The following NUMB variants were observed in gnomAD, a reference collection of about 807,000 sequenced individuals.
The protein encoded by NUMB is protein numb homolog.
A neutral mutation model predicts 59.7 loss-of-function variants in NUMB; 29 were observed. The observed-to-expected ratio is 0.49, with a 90% CI of 0.36 to 0.66. The LOEUF (loss-of-function observed/expected upper bound fraction) is 0.66, where lower values mean the gene tolerates loss of function less well. NUMB is among the 30% of genes least tolerant of loss of function. The probability of loss-of-function intolerance (pLI) is 0.00; values close to 1 mark genes in which losing one functional copy is unlikely to be tolerated. For synonymous variants in NUMB, 288 were observed against 288.2 expected (o/e 1.00, Z 0.01); for missense variants, 723 against 822.0 (o/e 0.88, Z 1.47).
At position 73,292,886 on chromosome 14, in the gene NUMB, G is replaced by A. The variant is rs995171749; in HGVS notation, c.310-12C>T. On this transcript the variant is annotated splice_polypyrimidine_tract_variant and intron_variant, in intron 7 of 12. Transcript: ENST00000555238. ...TCAACTATGAGGTCCTAGAAAATACGACACACAAAGAAAGAGAAGACTTAT... is the reference window on the plus strand; with the variant it reads ...TCAACTATGAGGTCCTAGAAAATACAACACACAAAGAAAGAGAAGACTTAT... 19 of 1,613,274 alleles carry A rather than the reference G, an allele frequency of 1.2e-5. No individual in the cohort carries two copies. Among genetic ancestry groups the A allele is most frequent in the Admixed American group, 6.7e-5 (4 of 59,844 alleles).
chr14:73,308,729 T>C (rs1890600899), intron 6 of NUMB, among the ~76,000 whole-genome samples: 1 of 152,168 alleles, frequency 6.6e-6, no homozygotes, highest in Non-Finnish European at 1.5e-5. Flanking sequence ...GATGAGATCA[T>C]TAACAGGTGT....
intron 5 of NUMB, among the ~76,000 whole-genome samples, chr14:73,316,999 T>A (rs1007867054): frequency 6.6e-6 from 1 of 152,226 alleles, no homozygotes; most frequent in Non-Finnish European, 1.5e-5. Flanking sequence ...AAGATGTCAC[T>A]TAGAAACTCC....
intron 1 of NUMB, among the ~76,000 whole-genome samples, chr14:73,419,230 G>T (rs774730172): frequency 6.6e-6 from 1 of 152,178 alleles, no homozygotes; most frequent in African/African-American, 2.4e-5. Flanking sequence ...TCTCAAGAGG[G>T]CTGGGCGCGG....
rs371144726 is a variant in NUMB, at chr14:73,385,010, T to C, written c.-100-18029A>G. 4.1e-3 allele frequency among the ~76,000 whole-genome samples: 617 copies of C among 150,310 alleles called. 4 individuals carry two copies. Among genetic ancestry groups the C allele is most frequent in the African/African-American group, 0.014 (590 of 40,992 alleles). On this transcript the variant is annotated intron_variant, in intron 2 of 12. Coordinates refer to ENST00000555238, the MANE Select transcript of NUMB (RefSeq NM_001005743.2). ...CCAGGTTCAAGCGATTCTCCTGCCT[T>C]AGCCTCCTGAGTAGCTGGGATTACA...
At chr14:73,416,866 A>G (rs1180392259) in intron 1 of NUMB, among the ~76,000 whole-genome samples, 1 of 151,896 alleles carries the variant, frequency 6.6e-6, no homozygotes, top group African/African-American at 2.4e-5. Context: ...GGGAACAAGC[A>G]TTCCTGTTTT....
intron 1 of NUMB, among the ~76,000 whole-genome samples, chr14:73,427,087 T>C (rs952069024): frequency 6.6e-6 from 1 of 152,100 alleles, no homozygotes; most frequent in African/African-American, 2.4e-5. Flanking sequence ...AGAGTTCCCT[T>C]ATTTATAAAG....
intron 2 of NUMB, among the ~76,000 whole-genome samples, chr14:73,368,199 T>C (rs1894469150): frequency 6.6e-6 from 1 of 152,174 alleles, no homozygotes; most frequent in African/African-American, 2.4e-5. Flanking sequence ...AGAGTATCTA[T>C]TCAGCTATAT....
chr14:73,385,146 T>G (rs61985840), intron 2 of NUMB, among the ~76,000 whole-genome samples: 24,143 of 151,546 alleles, frequency 0.16, 2,709 homozygotes, highest in Non-Finnish European at 0.23. Flanking sequence ...GTGGCTAGTT[T>G]GAGGAACTGA....
At chr14:73,456,671 T>G (rs973864661) in intron 1 of NUMB, among the ~76,000 whole-genome samples, 12 of 152,202 alleles carry the variant, frequency 7.9e-5, no homozygotes, top group Admixed American at 5.2e-4. Flanking sequence ...AAAATGAGTA[T>G]CCTTTATAAT....
intron 4 of NUMB, among the ~76,000 whole-genome samples, chr14:73,335,363 G>A (rs1261562393): frequency 6.9e-6 from 1 of 145,270 alleles, no homozygotes; most frequent in African/African-American, 2.5e-5. Context: ...TTTCATTTAT[G>A]AACTATTATA....
At chr14:73,380,114 C>T (rs1260246216) in intron 2 of NUMB, among the ~76,000 whole-genome samples, 1 of 152,142 alleles carries the variant, frequency 6.6e-6, no homozygotes, top group Non-Finnish European at 1.5e-5. Flanking sequence ...TTTGCGCCCC[C>T]AGCTCCAGGA....
intron 3 of NUMB, among the ~76,000 whole-genome samples, chr14:73,362,958 G>A (rs989566267): frequency 1.3e-5 from 2 of 151,788 alleles, no homozygotes; most frequent in Non-Finnish European, 2.9e-5. Context: ...ATACCAGCCT[G>A]GGCAACATAG....
chr14:73,328,100 C>A (rs780827033), intron 4 of NUMB, among the ~76,000 whole-genome samples: 2 of 152,014 alleles, frequency 1.3e-5, no homozygotes, highest in African/African-American at 2.4e-5. Flanking sequence ...TATGGTGAAA[C>A]CCCATCTCTA....
At chr14:73,437,098 T>C (rs1898092503) in intron 1 of NUMB, among the ~76,000 whole-genome samples, 1 of 138,414 alleles carries the variant, frequency 7.2e-6, no homozygotes, top group Non-Finnish European at 1.5e-5. Flanking sequence ...CAGGCTGGAG[T>C]GCAGTGGCAC....
At chr14:73,299,600 G>GATATGACATATATATGTCATATA (rs1323995394) in intron 6 of NUMB, among the ~76,000 whole-genome samples, 6 of 148,388 alleles carry the variant, frequency 4.0e-5, no homozygotes, top group Non-Finnish European at 7.4e-5. Context: ...TCATATATAT[G>GATATGACATATATATGTCATATA]ATATGACATA....
intron 1 of NUMB, among the ~76,000 whole-genome samples, chr14:73,413,775 C>T (rs1391011192): frequency 4.6e-5 from 7 of 152,038 alleles, no homozygotes; most frequent in Admixed American, 3.3e-4. Flanking sequence ...GAGCAAGACT[C>T]CAAGTCAAAA....
chr14:73,279,049 A>G (rs1888417643), intron 12 of NUMB, among the ~76,000 whole-genome samples: 1 of 152,076 alleles, frequency 6.6e-6, no homozygotes, highest in East Asian at 1.9e-4. Context: ...TAAAAGCTCT[A>G]TGGGTGGGGC....
intron 2 of NUMB, among the ~76,000 whole-genome samples, chr14:73,381,802 AAATG>A (rs1895258391): frequency 6.6e-6 from 1 of 152,140 alleles, no homozygotes; most frequent in South Asian, 2.1e-4. Flanking sequence ...TATTGTTTAA[AAATG>A]AATAAATAGT....
At chr14:73,331,749 C>T (rs75615814) in intron 4 of NUMB, among the ~76,000 whole-genome samples, 9,507 of 152,082 alleles carry the variant, frequency 0.063, 1,010 homozygotes, top group African/African-American at 0.22. Flanking sequence ...GTTTTATAAG[C>T]GTCTAGCATT....
Sources: allele counts gnomAD v4.1 joint callset (sites outside exome capture counted in the v4.1 genomes callset), GRCh38; gene constraint gnomAD v4.1.1; transcripts MANE v1.5; gene names NCBI Gene and HGNC (gene_info 2026-07-23, HGNC 2026-07-21).